The following CNTNAP2 variants were observed in gnomAD, a reference collection of about 807,000 sequenced individuals.
The protein encoded by CNTNAP2 is contactin-associated protein-like 2.
Under a neutral mutation model 155.2 loss-of-function variants are expected in CNTNAP2, and 98 were observed. The observed-to-expected ratio is 0.63, with a 90% CI of 0.54 to 0.75. The LOEUF is 0.75. Among genes scored for constraint, CNTNAP2 ranks in the 30% least tolerant of loss-of-function variants. CNTNAP2 has a pLI of 0.00. For missense variants in CNTNAP2, 1,727 were observed against 1,688.1 expected, an observed-to-expected ratio of 1.02 and a Z score of -0.40; for synonymous variants, 651 against 631.2, an observed-to-expected ratio of 1.03 and a Z score of -0.47.
intron 1 of CNTNAP2, among the ~76,000 whole-genome samples, chr7:146,627,672 C>A (rs756043193): frequency 6.6e-6 from 1 of 151,962 alleles, no homozygotes; most frequent in Non-Finnish European, 1.5e-5. Context: ...CATTTTGCAA[C>A]CTGTTATTTT....
At chr7:146,875,187 A>G (rs145522921) in intron 3 of CNTNAP2, among the ~76,000 whole-genome samples, 1 of 152,306 alleles carries the variant, frequency 6.6e-6, no homozygotes, top group African/African-American at 2.4e-5. Context: ...TGAGATTGTA[A>G]GTGGCATTTT....
intron 1 of CNTNAP2, among the ~76,000 whole-genome samples, chr7:146,510,023 G>A (rs7805502): frequency 0.02 from 2,973 of 152,152 alleles, 88 homozygotes; most frequent in African/African-American, 0.066. Context: ...CACTCACCTC[G>A]GAATCCTGCT....
intron 15 of CNTNAP2, among the ~76,000 whole-genome samples, chr7:148,032,057 C>T (rs1802486763): frequency 6.6e-6 from 1 of 152,078 alleles, no homozygotes; most frequent in Non-Finnish European, 1.5e-5. Flanking sequence ...CGCGCGGTGC[C>T]CTAGATGTTT....
In CNTNAP2 at chr7:147,728,183, GT is replaced by G. The variant is rs1796676448; in HGVS notation, c.2098+88878del. On this transcript the variant is annotated intron_variant, in intron 13 of 23. Transcript: ENST00000361727. ...ATGTATACACACACAATGTGTGTGT[GT>G]GTGTGTGTGTGTGATCAATTCTTTC... Among the ~76,000 whole-genome samples, 3 of 152,036 alleles carry G rather than the reference GT, an allele frequency of 2.0e-5. No individual in the cohort carries two copies. The East Asian group carries it at 5.8e-4, about 30-fold the overall frequency.
chr7:146,311,632 AG>A (rs1177264546), intron 1 of CNTNAP2: 4 of 148,924 alleles, frequency 2.7e-5, no homozygotes, highest in African/African-American at 9.9e-5. Context: ...AAAAAAAGAA[AG>A]AAAGACAGAA....
chr7:147,484,957 C>G (rs529748726), intron 10 of CNTNAP2, among the ~76,000 whole-genome samples: 1 of 152,248 alleles, frequency 6.6e-6, no homozygotes, highest in African/African-American at 2.4e-5. Flanking sequence ...TATCTGTGAG[C>G]ATCTTCAGCA....
chr7:147,229,856 G>A (rs1188498905), intron 8 of CNTNAP2, among the ~76,000 whole-genome samples: 2 of 151,836 alleles, frequency 1.3e-5, no homozygotes, highest in South Asian at 2.1e-4. Context: ...AGAAAATAAC[G>A]GGACATCTAA....
chr7:147,136,643 G>A (rs1044471037), intron 8 of CNTNAP2, among the ~76,000 whole-genome samples: 3 of 151,900 alleles, frequency 2.0e-5, no homozygotes, highest in South Asian at 2.1e-4. Context: ...TCTATTCTAA[G>A]CAATTAAAAT....
intron 11 of CNTNAP2, among the ~76,000 whole-genome samples, chr7:147,529,649 T>C (rs927280387): frequency 6.6e-6 from 1 of 152,206 alleles, no homozygotes; most frequent in Non-Finnish European, 1.5e-5. Flanking sequence ...ATCAAGGACG[T>C]TGAGGCTTAA....
intron 1 of CNTNAP2, among the ~76,000 whole-genome samples, chr7:146,507,675 G>C (rs1387913527): frequency 6.6e-6 from 1 of 152,134 alleles, no homozygotes; most frequent in Non-Finnish European, 1.5e-5. Context: ...AGACAATCCA[G>C]GCCTTTGGAC....
At chr7:147,605,645 A>G (rs1801046298) in intron 12 of CNTNAP2, among the ~76,000 whole-genome samples, 1 of 152,080 alleles carries the variant, frequency 6.6e-6, no homozygotes, top group African/African-American at 2.4e-5. Flanking sequence ...TCCCAGAGAG[A>G]CAATTCATGA....
chr7:148,267,943 GAAGGCCAAT>G (rs954835836), intron 21 of CNTNAP2, among the ~76,000 whole-genome samples: 3 of 152,110 alleles, frequency 2.0e-5, no homozygotes, highest in African/African-American at 7.2e-5. Flanking sequence ...TTGCAGATAA[GAAGGCCAAT>G]AAGGAATTTG....
intron 8 of CNTNAP2, among the ~76,000 whole-genome samples, chr7:147,188,394 C>G (rs574786557): frequency 6.6e-6 from 1 of 152,214 alleles, no homozygotes; most frequent in Non-Finnish European, 1.5e-5. Flanking sequence ...TTCACATACA[C>G]GCATGATATT....
At chr7:146,442,081 G>A (rs1389378377) in intron 1 of CNTNAP2, among the ~76,000 whole-genome samples, 4 of 151,410 alleles carry the variant, frequency 2.6e-5, no homozygotes, top group Admixed American at 2.6e-4. Flanking sequence ...TGTTGTTTGT[G>A]TATATTTCTG....
intron 8 of CNTNAP2, among the ~76,000 whole-genome samples, chr7:147,191,215 C>T (rs557857622): frequency 3.2e-4 from 48 of 152,146 alleles, no homozygotes; most frequent in African/African-American, 1.1e-3. Context: ...AAGTGTCTAG[C>T]CCAAGACATA....
intron 1 of CNTNAP2, among the ~76,000 whole-genome samples, chr7:146,663,298 AGAAAGAAAG>A (rs1800127620): frequency 1.1e-4 from 10 of 88,356 alleles, no homozygotes; most frequent in African/African-American, 3.9e-4. Context: ...AAAAAAAAAA[AGAAAGAAAG>A]AAAAAGAAAG....
chr7:146,156,873 A>T (rs185603872), intron 1 of CNTNAP2, among the ~76,000 whole-genome samples: 1 of 152,192 alleles, frequency 6.6e-6, no homozygotes, highest in African/African-American at 2.4e-5. Flanking sequence ...AAGTTCTGGG[A>T]TTACAGGCAT....
chr7:147,161,277 C>A (rs1802018459), intron 8 of CNTNAP2, among the ~76,000 whole-genome samples: 1 of 152,126 alleles, frequency 6.6e-6, no homozygotes, highest in Non-Finnish European at 1.5e-5. Context: ...TTTGCTATAA[C>A]CATAATTTGG....
intron 15 of CNTNAP2, among the ~76,000 whole-genome samples, chr7:147,996,326 C>T (rs1160822811): frequency 6.6e-6 from 1 of 152,172 alleles, no homozygotes; most frequent in Non-Finnish European, 1.5e-5. Flanking sequence ...TGCAGATTCC[C>T]ACACAGCTCC....
Sources: allele counts gnomAD v4.1 joint callset (sites outside exome capture counted in the v4.1 genomes callset), GRCh38; gene constraint gnomAD v4.1.1; transcripts MANE v1.5; gene names NCBI Gene and HGNC (gene_info 2026-07-23, HGNC 2026-07-21).